The following ZFHX3 variants were observed in gnomAD, a reference collection of about 807,000 sequenced individuals.
The protein encoded by ZFHX3 is zinc finger homeobox 3.
A neutral mutation model predicts 279.1 loss-of-function variants in ZFHX3; 42 were observed. That is an observed-to-expected ratio of 0.15 (90% CI 0.12 to 0.19). The LOEUF (loss-of-function observed/expected upper bound fraction) is 0.19, where lower values mean the gene tolerates loss of function less well. Among genes scored for constraint, ZFHX3 ranks in the 10% least tolerant of loss-of-function variants. The pLI is 1.00. For synonymous variants in ZFHX3, 2,293 were observed against 1,957.8 expected (o/e 1.17, Z -4.52); for missense variants, 4,981 against 4,754.0 (o/e 1.05, Z -1.40).
At chr16:72,936,090 G>A (rs1162554331) in intron 3 of ZFHX3, among the ~76,000 whole-genome samples, 1 of 152,182 alleles carries the variant, frequency 6.6e-6, no homozygotes, top group Non-Finnish European at 1.5e-5. Flanking sequence ...GTGTCTCAGG[G>A]GTCAGTACAG....
intron 3 of ZFHX3, chr16:73,419,947 C>CT (rs1455177488): frequency 6.6e-6 from 1 of 151,500 alleles, no homozygotes; most frequent in African/African-American, 2.4e-5. Flanking sequence ...CACTCTGTCA[C>CT]CCAGGCTGGA....
In ZFHX3 at chr16:73,321,835, T is replaced by C. The variant is rs571257478; in HGVS notation, c.-1290-3499A>G. Among the ~76,000 whole-genome samples, 24 of 147,662 alleles carry C rather than the reference T, an allele frequency of 1.6e-4. No individual in the cohort carries two copies. The South Asian group carries it at 4.2e-3, about 26-fold the overall frequency. On this transcript the variant is annotated intron_variant, in intron 3 of 17. Coordinates refer to the ZFHX3 transcript ENST00000641206. The stretch of plus-strand genomic sequence containing the variant: ...CTCTTCCTAAGCATGGTAAATTGTA[T>C]GTAGAGAAAAAGACAGAGAGAGAGA...
intron 2 of ZFHX3, among the ~76,000 whole-genome samples, chr16:73,507,332 A>G (rs1276096241): frequency 6.6e-6 from 1 of 152,118 alleles, no homozygotes. Context: ...TGAAGGCCAG[A>G]TTCCTTTAAG....
intron 2 of ZFHX3, among the ~76,000 whole-genome samples, chr16:73,478,301 T>C (rs1436580166): frequency 3.5e-5 from 5 of 142,234 alleles, no homozygotes; most frequent in African/African-American, 1.1e-4. Context: ...AATTAGGTAC[T>C]AAAAGCCATA....
intron 2 of ZFHX3, among the ~76,000 whole-genome samples, chr16:73,667,087 G>T (rs982510529): frequency 6.6e-6 from 1 of 151,992 alleles, no homozygotes; most frequent in Non-Finnish European, 1.5e-5. Flanking sequence ...CACCTCTCGG[G>T]TTCAAGCGAT....
intron 1 of ZFHX3, among the ~76,000 whole-genome samples, chr16:73,717,588 C>T (rs2053428427): frequency 6.6e-6 from 1 of 152,212 alleles, no homozygotes; most frequent in Non-Finnish European, 1.5e-5. Flanking sequence ...CATGTCCCCA[C>T]TTGCTTGGTC....
At chr16:73,419,842 G>A (rs1055845849) in intron 3 of ZFHX3, among the ~76,000 whole-genome samples, 1 of 151,964 alleles carries the variant, frequency 6.6e-6, no homozygotes, top group Non-Finnish European at 1.5e-5. Flanking sequence ...TATGTGCTTA[G>A]TGGTTAATAC....
At chr16:73,732,740 G>A (rs1192761588) in intron 1 of ZFHX3, among the ~76,000 whole-genome samples, 1 of 152,160 alleles carries the variant, frequency 6.6e-6, no homozygotes, top group Non-Finnish European at 1.5e-5. Context: ...AAGGACAACT[G>A]TTCTCCTAAA....
intron 2 of ZFHX3, among the ~76,000 whole-genome samples, chr16:73,590,877 GA>G (rs1340013315): frequency 6.6e-6 from 1 of 152,054 alleles, no homozygotes; most frequent in Non-Finnish European, 1.5e-5. Context: ...CCTGATGGGG[GA>G]CGATATCTCA....
chr16:73,006,268 T>C (rs1208359521), intron 1 of ZFHX3: 1 of 152,222 alleles, frequency 6.6e-6, no homozygotes, highest in African/African-American at 2.4e-5. Context: ...GAGAAGTCAA[T>C]GCATCCTCTT....
chr16:73,768,683 A>G (rs1044102710), intron 1 of ZFHX3, among the ~76,000 whole-genome samples: 2 of 152,206 alleles, frequency 1.3e-5, no homozygotes, highest in Non-Finnish European at 2.9e-5. Flanking sequence ...ATGTTATAGA[A>G]TCATCAAACT....
intron 6 of ZFHX3, among the ~76,000 whole-genome samples, chr16:73,142,959 T>C (rs1219345984): frequency 1.3e-5 from 2 of 152,220 alleles, no homozygotes; most frequent in Non-Finnish European, 2.9e-5. Flanking sequence ...GCTTCCATGA[T>C]TCTGCCAGGA....
chr16:73,834,085 A>G (rs370372904), intron 1 of ZFHX3, among the ~76,000 whole-genome samples: 1 of 152,082 alleles, frequency 6.6e-6, no homozygotes. Context: ...GAGTCACTCA[A>G]GTTTCTCTGA....
intron 3 of ZFHX3, among the ~76,000 whole-genome samples, chr16:72,948,221 G>A (rs897716604): frequency 2.0e-5 from 3 of 152,176 alleles, no homozygotes; most frequent in African/African-American, 7.2e-5. Context: ...TCCTGACGGA[G>A]GCAATTCTGC....
chr16:72,813,782 G>A (rs1032455340), intron 5 of ZFHX3, among the ~76,000 whole-genome samples: 3 of 152,132 alleles, frequency 2.0e-5, no homozygotes, highest in African/African-American at 7.2e-5. Flanking sequence ...AATGGCTGCC[G>A]ATTAACTAGG....
chr16:72,902,313 G>A lies in ZFHX3; in HGVS notation c.3217-12351C>T, dbSNP rs540486859. On this transcript the variant is annotated intron_variant, in intron 3 of 9. Transcript: ENST00000268489. ...TGATCAATCTGTCAAGATAATGCAT[G>A]GAGTAAGTAAGACTCTTCCAAACAC... 8.2e-4 allele frequency among the ~76,000 whole-genome samples: 125 copies of A among 152,276 alleles called. 1 individual carries two copies. Among genetic ancestry groups the A allele is most frequent in the Admixed American group, 8.0e-3 (123 of 15,294 alleles).
chr16:73,043,474 A>G (rs895966156), intron 1 of ZFHX3, among the ~76,000 whole-genome samples: 2 of 152,208 alleles, frequency 1.3e-5, no homozygotes, highest in Non-Finnish European at 2.9e-5. Context: ...TTATTCTTGT[A>G]AAAGCAAGAA....
At chr16:73,750,798 TA>T (rs2053755551) in intron 1 of ZFHX3, among the ~76,000 whole-genome samples, 1 of 152,102 alleles carries the variant, frequency 6.6e-6, no homozygotes, top group Admixed American at 6.5e-5. Flanking sequence ...TGCAGGCAAT[TA>T]GGGGTAATAT....
chr16:72,967,743 C>T (rs188063170), intron 1 of ZFHX3, among the ~76,000 whole-genome samples: 20 of 148,540 alleles, frequency 1.3e-4, no homozygotes, highest in Non-Finnish European at 2.4e-4. Context: ...GGTGAAACCC[C>T]GTCTCTACTA....
Sources: allele counts gnomAD v4.1 joint callset (sites outside exome capture counted in the v4.1 genomes callset), GRCh38; gene constraint gnomAD v4.1.1; transcripts MANE v1.5; gene names NCBI Gene and HGNC (gene_info 2026-07-23, HGNC 2026-07-21).